The following SYNE1 variants were observed in gnomAD, a reference collection of about 807,000 sequenced individuals.
The protein encoded by SYNE1 is spectrin repeat containing nuclear envelope protein 1.
Under a neutral mutation model 1,111.0 loss-of-function variants are expected in SYNE1, and 616 were observed. The observed-to-expected ratio is 0.55, with a 90% CI of 0.52 to 0.59. The LOEUF (loss-of-function observed/expected upper bound fraction) is 0.59, where lower values mean the gene tolerates loss of function less well. Among genes scored for constraint, SYNE1 ranks in the 20% least tolerant of loss-of-function variants. SYNE1 has a pLI of 0.00. For synonymous variants in SYNE1, 3,855 were observed against 3,825.8 expected, an observed-to-expected ratio of 1.01 and a Z score of -0.28; for missense variants, 10,006 against 10,417.0, an observed-to-expected ratio of 0.96 and a Z score of 1.72.
rs2076505214 is a variant in SYNE1 at position 152,206,354 on chromosome 6, T to G, written c.22833A>C (p.Glu7611Asp). The G allele has an allele frequency of 6.2e-7, 1 of 1,613,678 alleles. No homozygotes were observed. Among genetic ancestry groups the G allele is most frequent in the Admixed American group, 1.7e-5 (1 of 60,008 alleles). The stretch of plus-strand genomic sequence containing the variant: ...TGCCTTGTTGCCGCAGAAACACTTT[T>G]TCTTTGAACTGAAAGGAACCATAGC... ...RTLFDEVQFK[E>D]KVFLRQQGSY... is the part of the protein sequence containing the mutation. Residue 7611 changes from glutamate to aspartate, a missense_variant, in exon 126 of 146, where the codon GAA (glutamate) becomes GAC (aspartate). Around this residue, in one of 7 missense-constraint regions of SYNE1, gnomAD observed 2,182 missense variants for 2,287.8 expected, o/e 0.95. Transcript: ENST00000367255.
chr6:152,136,323 T>A (rs186610811), intron 141 of SYNE1, among the ~76,000 whole-genome samples: 6 of 152,244 alleles, frequency 3.9e-5, no homozygotes, highest in Non-Finnish European at 5.9e-5. Flanking sequence ...ATCTGTTGAA[T>A]AAATAAAGGA....
intron 4 of SYNE1, among the ~76,000 whole-genome samples, chr6:152,530,644 C>T (rs1321926520): frequency 4.9e-5 from 7 of 144,032 alleles, no homozygotes; most frequent in African/African-American, 1.5e-4. Context: ...TTTTTTGAGA[C>T]GGAGTCTTGC....
At chr6:152,131,309 T>C (rs549757046) in intron 144 of SYNE1, among the ~76,000 whole-genome samples, 22 of 143,830 alleles carry the variant, frequency 1.5e-4, no homozygotes, top group Non-Finnish European at 3.0e-4. Flanking sequence ...CTAGGATCTA[T>C]AGGAAACTAG....
chr6:152,216,160 A>T (rs955855256), intron 121 of SYNE1, among the ~76,000 whole-genome samples: 32 of 152,190 alleles, frequency 2.1e-4, no homozygotes, highest in Non-Finnish European at 4.4e-4. Context: ...ATGTTTTTTG[A>T]AGAAAGAATA....
chr6:152,350,315 C>T lies in SYNE1; in HGVS notation c.11754G>A (p.Glu3918=). Residue 3918 remains glutamate (E), a synonymous_variant, in exon 72 of 146, where the codon GAG becomes GAA. Coordinates refer to ENST00000367255, the MANE Select transcript of SYNE1 (RefSeq NM_182961.4). ...SIGKEHVFSL[E]AKVKDHEDYN... is the part of the protein sequence containing the mutation. ...AGTCTTCATGGTCTTTGACTTTCGC[C>T]TCCAGACTGAAGACATGCTCCTGCA... The T allele has an allele frequency of 6.2e-7, 1 of 1,614,130 alleles. No homozygotes were observed. The highest frequency in any genetic ancestry group is 8.5e-7 in the Non-Finnish European group (1 of 1,180,022).
intron 145 of SYNE1, chr6:152,125,302 A>C: frequency 6.4e-7 from 1 of 1,550,464 alleles, no homozygotes; most frequent in Non-Finnish European, 8.7e-7. Context: ...AGAATCCTGA[A>C]CTTGCATCCT....
chr6:152,621,730 G>A (rs940322478), intron 3 of SYNE1, among the ~76,000 whole-genome samples: 2 of 152,034 alleles, frequency 1.3e-5, no homozygotes, highest in Admixed American at 6.6e-5. Context: ...AGAGGACCAA[G>A]CACTACACAA....
At chr6:152,287,369 A>G (rs1420305918) in intron 95 of SYNE1, among the ~76,000 whole-genome samples, 7 of 152,050 alleles carry the variant, frequency 4.6e-5, no homozygotes, top group Non-Finnish European at 8.8e-5. Context: ...TGTTCCATCA[A>G]CCCATTTGGC....
In SYNE1 at chr6:152,582,890, A is replaced by G. The variant is rs935576816; in HGVS notation, c.68-42869T>C. 3.9e-5 allele frequency among the ~76,000 whole-genome samples: 6 copies of G among 152,264 alleles called. 1 individual carries two copies. The East Asian group carries it at 7.7e-4, about 20-fold the overall frequency. ...TAATTCTACAATATAAATTTATTTC[A>G]TAATTTCTAAATACTTTGTAGAAGG... On this transcript the variant is annotated intron_variant, in intron 3 of 145. Transcript: ENST00000367255.
At chr6:152,218,542 C>T in intron 120 of SYNE1, 139 bp from the exon 121 acceptor site, 1 of 968,308 alleles carries the variant, frequency 1.0e-6, no homozygotes, top group African/African-American at 1.7e-5. Context: ...CTAGACGTTC[C>T]TATAAAAAAA....
rs1409008779 is a variant in SYNE1, at chr6:152,376,524, T to C, written c.9181A>G (p.Lys3061Glu). Residue 3061 changes from lysine to glutamate, a missense_variant, in exon 58 of 146, where the codon AAA (lysine) becomes GAA (glutamate). Coordinates refer to ENST00000367255, the MANE Select transcript of SYNE1 (RefSeq NM_182961.4). ...CLQASKGCQN[K>E]EQILQQRFRK... ...AATCTTTGCTGTAAAATCTGTTCTT[T>C]ATTCTGGCAGCCCTTGGATGCTTGC... The C allele has an allele frequency of 4.3e-6, 7 of 1,614,150 alleles. No homozygotes were observed. Among genetic ancestry groups the C allele is most frequent in the Admixed American group, 3.3e-5 (2 of 60,026 alleles).
In SYNE1 at chr6:152,362,214, G is replaced by A. The variant is rs1395140513; in HGVS notation, c.10255C>T (p.His3419Tyr). Residue 3419 changes from histidine to tyrosine, a missense_variant, in exon 64 of 146, where the codon CAT (histidine) becomes TAT (tyrosine). Physicochemically the swap from His to Tyr is moderately conservative, Grantham distance 83. Coordinates refer to ENST00000367255, the MANE Select transcript of SYNE1 (RefSeq NM_182961.4). ...GTTGTTTTATCCCGCAGCTCCGCAT[G>A]CTGCCTTTCTGATTCATTCAGGTTG... ...EANLNESERQ[H>Y]AELRDKTTML... 1 of 1,614,192 alleles carries A rather than the reference G, an allele frequency of 6.2e-7. No homozygotes were observed.
rs751642409 is a variant in SYNE1, at chr6:152,425,564, A to T, written c.5101-17T>A. 6.2e-7 allele frequency: 1 copy of T among 1,614,074 alleles called. No individual in the cohort carries two copies. The highest frequency in any genetic ancestry group is 8.5e-7 in the Non-Finnish European group (1 of 1,179,988). ...TTGCAGTGCCTGAAAAATACAAGAC[A>T]TTACGGATCTCATCCTAACAGGACT... On this transcript the variant is annotated splice_polypyrimidine_tract_variant and intron_variant, in intron 38 of 145. Transcript: ENST00000367255.
At position 152,211,576 on chromosome 6, in the gene SYNE1, C is replaced by T. The variant is rs1587910045; in HGVS notation, c.22507G>A (p.Glu7503Lys). The T allele has an allele frequency of 3.7e-6, 6 of 1,613,350 alleles. No individual in the cohort carries two copies. Among genetic ancestry groups the T allele is most frequent in the Non-Finnish European group, 5.1e-6 (6 of 1,179,622 alleles). Residue 7503 changes from glutamate to lysine, a missense_variant, in exon 124 of 146, where the codon GAG (glutamate) becomes AAG (lysine). Transcript: ENST00000367255. ...AAAATCTGCTGACGACTGAACATCT[C>T]GGCTTGAAACAACTATAATTTAAAA... The part of the protein sequence containing the change: ...QQRAHELFQA[E>K]MFSRQQILHS...
chr6:152,511,399 GA>G (rs906022504), intron 6 of SYNE1, among the ~76,000 whole-genome samples: 8 of 151,780 alleles, frequency 5.3e-5, no homozygotes, highest in South Asian at 2.1e-4. Flanking sequence ...ATGTCAAACA[GA>G]AAAAAAATGT....
chr6:152,467,608 T>C lies in SYNE1; in HGVS notation c.1633-1530A>G, dbSNP rs545922242. On this transcript the variant is annotated intron_variant, in intron 16 of 145. Coordinates refer to ENST00000367255, the MANE Select transcript of SYNE1 (RefSeq NM_182961.4). ...CTTAAATATGCTTTTCCTAGAGAAGTTTACAAAATAATTAAAAATGAACAA... is the reference window on the plus strand; with the variant it reads ...CTTAAATATGCTTTTCCTAGAGAAGCTTACAAAATAATTAAAAATGAACAA... 3.3e-5 allele frequency among the ~76,000 whole-genome samples: 5 copies of C among 152,218 alleles called. No individual in the cohort carries two copies. In the East Asian group the frequency reaches 9.7e-4, roughly 29 times the overall value.
At chr6:152,364,098 A>T (rs938364226) in intron 63 of SYNE1, among the ~76,000 whole-genome samples, 2 of 152,056 alleles carry the variant, frequency 1.3e-5, no homozygotes, top group African/African-American at 2.4e-5. Context: ...ATAGTCAGTG[A>T]GTGTTCATGA....
chr6:152,343,615 G>T (rs1468267634), intron 74 of SYNE1, among the ~76,000 whole-genome samples: 1 of 151,208 alleles, frequency 6.6e-6, no homozygotes, highest in Non-Finnish European at 1.5e-5. Flanking sequence ...TGCAACCTCT[G>T]CCTCCCAGGT....
At chr6:152,229,702 C>T (rs574705930) in intron 115 of SYNE1, among the ~76,000 whole-genome samples, 1 of 152,030 alleles carries the variant, frequency 6.6e-6, no homozygotes, top group Non-Finnish European at 1.5e-5. Context: ...AACATGGCAC[C>T]CATCAACAGC....
Sources: allele counts gnomAD v4.1 joint callset (sites outside exome capture counted in the v4.1 genomes callset), GRCh38; gene constraint gnomAD v4.1.1; regional missense constraint gnomAD v4.1.1; transcripts MANE v1.5; gene names NCBI Gene and HGNC (gene_info 2026-07-23, HGNC 2026-07-21).